Variants in CSMD1 observed in about 807,000 individuals in gnomAD.
The protein encoded by CSMD1 is CUB and Sushi multiple domains 1, also known as CUB and sushi domain-containing protein 1.
A neutral mutation model predicts 417.5 loss-of-function variants in CSMD1; 213 were observed. That is an observed-to-expected ratio of 0.51 (90% CI 0.46 to 0.57). The LOEUF is 0.57. Ranked by LOEUF, CSMD1 falls within the 20% of genes least tolerant of loss-of-function variation. The probability of loss-of-function intolerance (pLI) is 0.00; values close to 1 mark genes in which losing one functional copy is unlikely to be tolerated. For missense variants in CSMD1, 6,923 were observed against 4,529.7 expected (o/e 1.53, Z -15.17); for synonymous variants, 2,862 against 1,736.8 (o/e 1.65, Z -16.11).
At chr8:3,179,320 A>C (rs1291843848) in intron 37 of CSMD1, among the ~76,000 whole-genome samples, 1 of 152,218 alleles carries the variant, frequency 6.6e-6, no homozygotes, top group African/African-American at 2.4e-5. Flanking sequence ...TGAATGGCAT[A>C]AACTATCAGA....
intron 26 of CSMD1, among the ~76,000 whole-genome samples, chr8:3,248,780 C>G (rs540106684): frequency 2.0e-5 from 3 of 152,188 alleles, no homozygotes; most frequent in South Asian, 2.1e-4. Flanking sequence ...GTGTCCATAG[C>G]TAGGGACAAT....
intron 5 of CSMD1, among the ~76,000 whole-genome samples, chr8:3,911,962 T>C (rs1379930800): frequency 6.6e-6 from 1 of 152,206 alleles, no homozygotes; most frequent in Non-Finnish European, 1.5e-5. Flanking sequence ...GAATCTTACA[T>C]CTTCCCACAA....
chr8:3,960,371 T>TA (rs1024939690), intron 5 of CSMD1, among the ~76,000 whole-genome samples: 6 of 152,142 alleles, frequency 3.9e-5, no homozygotes, highest in African/African-American at 1.4e-4. Context: ...CGCTACTACT[T>TA]AAAAGCATGG....
At chr8:2,979,898 A>C (rs1194363115) in intron 54 of CSMD1, among the ~76,000 whole-genome samples, 1 of 152,272 alleles carries the variant, frequency 6.6e-6, no homozygotes, top group Non-Finnish European at 1.5e-5. Context: ...ATGCCCCTAC[A>C]GGGCATGTAT....
chr8:4,449,530 G>C (rs1468616527), intron 2 of CSMD1, among the ~76,000 whole-genome samples: 1 of 152,194 alleles, frequency 6.6e-6, no homozygotes, highest in East Asian at 1.9e-4. Flanking sequence ...GGCTGTGTCT[G>C]TGAGTCACAG....
chr8:4,912,135 A>AGAAAAAAAAAAAAG (rs1554518069), intron 1 of CSMD1, among the ~76,000 whole-genome samples: 1 of 115,612 alleles, frequency 8.6e-6, no homozygotes, highest in African/African-American at 2.9e-5. Flanking sequence ...AAAAAAAAAA[A>AGAAAAAAAAAAAAG]AAAAAAGAAA....
intron 1 of CSMD1, among the ~76,000 whole-genome samples, chr8:4,972,050 A>C (rs1396845043): frequency 6.6e-6 from 1 of 152,118 alleles, no homozygotes; most frequent in East Asian, 1.9e-4. Context: ...GGAAAAAGCC[A>C]AGGTGAAGAG....
chr8:4,914,137 T>C (rs1371848102), intron 1 of CSMD1, among the ~76,000 whole-genome samples: 1 of 152,216 alleles, frequency 6.6e-6, no homozygotes, highest in Non-Finnish European at 1.5e-5. Flanking sequence ...ACACAGTTTC[T>C]TTCTGAAAAG....
chr8:4,587,727 T>C (rs1032918630), intron 2 of CSMD1, among the ~76,000 whole-genome samples: 2 of 152,216 alleles, frequency 1.3e-5, no homozygotes, highest in African/African-American at 4.8e-5. Context: ...ACACTCTTCA[T>C]AAAGTAAACA....
chr8:4,505,604 T>A (rs1234447840), intron 2 of CSMD1, among the ~76,000 whole-genome samples: 1 of 152,150 alleles, frequency 6.6e-6, no homozygotes, highest in Non-Finnish European at 1.5e-5. Flanking sequence ...GCCTTGTGCT[T>A]TTCAGAGAGA....
At chr8:3,741,584 T>G (rs1196235777) in intron 6 of CSMD1, among the ~76,000 whole-genome samples, 1 of 152,234 alleles carries the variant, frequency 6.6e-6, no homozygotes, top group Non-Finnish European at 1.5e-5. Context: ...CAAGATTAAC[T>G]GTTTGTTAGA....
intron 2 of CSMD1, among the ~76,000 whole-genome samples, chr8:4,533,184 G>C (rs1796925492): frequency 1.3e-5 from 2 of 152,214 alleles, no homozygotes; most frequent in South Asian, 2.1e-4. Flanking sequence ...CCACGTGGTA[G>C]CATTTGTCAT....
rs769423226 is a variant in CSMD1, at chr8:3,348,094, A to G, written c.3372T>C (p.Tyr1124=). 25 of 1,612,808 alleles carry G rather than the reference A, an allele frequency of 1.6e-5. No homozygotes were observed. Among genetic ancestry groups the G allele is most frequent in the African/African-American group, 2.7e-5 (2 of 74,884 alleles). The change falls in exon 22 of 70, where the codon TAT becomes TAC. Residue 1124 remains tyrosine (Y), a synonymous_variant. Coordinates refer to ENST00000635120, the MANE Select transcript of CSMD1 (RefSeq NM_033225.6). The part of the protein sequence containing the change: ...TLLSPNFPSN[Y]DNNHECIYKI... ...TATAGATACACTCATGGTTATTATC[A>G]TAATTGGATGGAAAATTTGGAGACA...
intron 2 of CSMD1, among the ~76,000 whole-genome samples, chr8:4,635,960 G>A (rs1021679424): frequency 6.6e-6 from 1 of 151,920 alleles, no homozygotes; most frequent in African/African-American, 2.4e-5. Flanking sequence ...AAAAAAACTA[G>A]GTGTTTGAAA....
intron 3 of CSMD1, among the ~76,000 whole-genome samples, chr8:4,303,886 A>AC (rs1228776846): frequency 6.6e-6 from 1 of 151,946 alleles, no homozygotes; most frequent in Non-Finnish European, 1.5e-5. Flanking sequence ...CGAACTCCTG[A>AC]CCTTGTGATC....
intron 3 of CSMD1, among the ~76,000 whole-genome samples, chr8:4,323,653 G>A (rs1034992922): frequency 3.3e-5 from 5 of 152,070 alleles, no homozygotes; most frequent in East Asian, 1.9e-4. Context: ...ACAAATAAGG[G>A]GCAGTGGACT....
At position 3,932,313 on chromosome 8, in the gene CSMD1, C is replaced by T. The variant is rs115239813; in HGVS notation, c.818+65590G>A. On this transcript the variant is annotated intron_variant, in intron 5 of 69. Transcript: ENST00000635120. ...GTTTTGTTGCTCAGTTAAACATGTG[C>T]TCATGGTCTTTAAACTTTCCCCATT... is the stretch of plus-strand genomic sequence containing the variant. 6.5e-3 allele frequency among the ~76,000 whole-genome samples: 975 copies of T among 150,650 alleles called. 77 individuals are homozygous for T. Among genetic ancestry groups the T allele is most frequent in the African/African-American group, 0.023 (946 of 40,932 alleles).
chr8:4,535,563 C>T (rs1797061527), intron 2 of CSMD1, among the ~76,000 whole-genome samples: 1 of 152,100 alleles, frequency 6.6e-6, no homozygotes, highest in African/African-American at 2.4e-5. Flanking sequence ...CTCCAAGTTA[C>T]TCGTAGGTTA....
chr8:4,119,099 G>C (rs189222716), intron 3 of CSMD1, among the ~76,000 whole-genome samples: 64 of 152,054 alleles, frequency 4.2e-4, no homozygotes, highest in Non-Finnish European at 7.8e-4. Context: ...CAGTGGGTGG[G>C]GACAAGAGAA....
Sources: gnomAD v4.1 joint callset for allele counts (sites outside exome capture counted in the v4.1 genomes callset) on GRCh38, gnomAD v4.1.1 for gene constraint, MANE v1.5 for transcripts, NCBI Gene and HGNC (gene_info 2026-07-23, HGNC 2026-07-21) for gene names.